Variants in TNRC6A observed in about 807,000 individuals in gnomAD.
TNRC6A encodes trinucleotide repeat containing adaptor 6A, also known as trinucleotide repeat-containing gene 6A protein.
TNRC6A carries 44 observed loss-of-function variants against 221.2 expected under a neutral mutation model. The ratio of observed to expected loss-of-function variants is 0.20; its 90% CI spans 0.16 to 0.26. The LOEUF (loss-of-function observed/expected upper bound fraction) is 0.26. Ranked by LOEUF, TNRC6A falls within the 10% of genes least tolerant of loss-of-function variation. The pLI is 1.00. For synonymous variants in TNRC6A, 847 were observed against 838.5 expected (o/e 1.01, Z -0.18); for missense variants, 2,199 against 2,404.4 (o/e 0.91, Z 1.79).
At chr16:24,728,652 A>G (rs1228494423), upstream of TNRC6A, among the ~76,000 whole-genome samples, 5 of 152,188 alleles carry the variant, frequency 3.3e-5, no homozygotes, top group Non-Finnish European at 7.4e-5. Flanking sequence ...GAAAATATGT[A>G]TCTTACTGTA....
chr16:24,672,248 A>T (rs932189860), intron 2 of TNRC6A, among the ~76,000 whole-genome samples: 1 of 151,546 alleles, frequency 6.6e-6, no homozygotes, highest in Non-Finnish European at 1.5e-5. Flanking sequence ...CAGCCTCCCC[A>T]GCAGCTGGGA....
chr16:24,768,185 AC>A (rs2057514121), intron 4 of TNRC6A, among the ~76,000 whole-genome samples: 1 of 152,126 alleles, frequency 6.6e-6, no homozygotes, highest in Middle Eastern at 3.2e-3. Context: ...TAATCCCAGC[AC>A]TTTGGGAGGC....
intron 2 of TNRC6A, among the ~76,000 whole-genome samples, chr16:24,651,363 A>G (rs1596597329): frequency 6.6e-6 from 1 of 151,484 alleles, no homozygotes. Context: ...ACATGGAGAA[A>G]CCCTGTCTCT....
intron 16 of TNRC6A, 43 bp from the exon 17 acceptor site, chr16:24,806,531 G>A (rs375530422): frequency 1.4e-5 from 22 of 1,606,286 alleles, no homozygotes; most frequent in Admixed American, 1.7e-5. Context: ...CTGTAAAGAC[G>A]TTTTCCCCCA....
At chr16:24,729,951 C>G (rs1403008205) in intron 1 of TNRC6A, 105 bp downstream of exon 1, 12 of 1,068,978 alleles carry the variant, frequency 1.1e-5, no homozygotes, top group Non-Finnish European at 1.2e-5. Context: ...CCGGGCGTCC[C>G]CGAGACTTCG....
At chr16:24,783,635 C>T (rs1426572675) in intron 5 of TNRC6A, among the ~76,000 whole-genome samples, 1 of 151,736 alleles carries the variant, frequency 6.6e-6, no homozygotes. Flanking sequence ...TTCTAAATAA[C>T]GCGCAACCTT....
At chr16:24,775,305 T>G (rs1596676071) in intron 4 of TNRC6A, among the ~76,000 whole-genome samples, 3 of 152,260 alleles carry the variant, frequency 2.0e-5, no homozygotes, top group Admixed American at 2.0e-4. Flanking sequence ...GAAAGGATTA[T>G]AAACAGTAGA....
intron 5 of TNRC6A, among the ~76,000 whole-genome samples, chr16:24,785,546 G>A (rs181947471): frequency 6.6e-6 from 1 of 152,096 alleles, no homozygotes; most frequent in East Asian, 1.9e-4. Context: ...GTTTTTTCAT[G>A]TTGATCTTTT....
intron 14 of TNRC6A, 175 bp from the exon 15 acceptor site, chr16:24,805,430 T>C: frequency 1.0e-6 from 1 of 996,126 alleles, no homozygotes. Context: ...ATCTTTTACT[T>C]AACCCACGAA....
intron 2 of TNRC6A, among the ~76,000 whole-genome samples, chr16:24,652,209 T>A (rs1316262265): frequency 2.6e-5 from 4 of 152,040 alleles, no homozygotes; most frequent in Non-Finnish European, 5.9e-5. Flanking sequence ...TAATTTAGAA[T>A]AAAAGAACTT....
intron 2 of TNRC6A, among the ~76,000 whole-genome samples, chr16:24,687,999 C>G (rs2055677091): frequency 1.4e-5 from 2 of 144,098 alleles, no homozygotes; most frequent in East Asian, 2.0e-4. Flanking sequence ...ATGGCGCGAT[C>G]TCTGCTCACT....
At chr16:24,750,200 T>C (rs1182676029) in intron 2 of TNRC6A, among the ~76,000 whole-genome samples, 3 of 152,204 alleles carry the variant, frequency 2.0e-5, no homozygotes, top group East Asian at 1.9e-4. Context: ...GGAATGTTGA[T>C]AGAATATGAA....
chr16:24,805,142 C>G lies in TNRC6A; in HGVS notation c.4113C>G (p.Leu1371=), dbSNP rs2151984008. The change falls in exon 14 of 25, where the codon CTC becomes CTG. Residue 1371 remains leucine (L), a synonymous_variant. Coordinates refer to ENST00000395799, the MANE Select transcript of TNRC6A (RefSeq NM_014494.4). ...NLRAQVPPPL[L]SPQVPVSLLK... ...GTGCTCAAGTGCCTCCTCCATTACT[C>G]TCCCCTCAGGTAAATAAGCTTTCCT... The G allele has an allele frequency of 6.2e-7, 1 of 1,614,188 alleles. No individual in the cohort carries two copies. Among genetic ancestry groups the G allele is most frequent in the Non-Finnish European group, 8.5e-7 (1 of 1,180,040 alleles).
intron 18 of TNRC6A, among the ~76,000 whole-genome samples, chr16:24,810,126 C>A (rs1312942123): frequency 6.6e-6 from 1 of 152,190 alleles, no homozygotes; most frequent in African/African-American, 2.4e-5. Context: ...AATTTTATTT[C>A]TATCAATTCC....
At chr16:24,783,693 A>G (rs1407989370) in intron 5 of TNRC6A, among the ~76,000 whole-genome samples, 4 of 152,188 alleles carry the variant, frequency 2.6e-5, no homozygotes, top group Non-Finnish European at 4.4e-5. Flanking sequence ...AACATTTTGC[A>G]TTACACTCAG....
intron 4 of TNRC6A, among the ~76,000 whole-genome samples, chr16:24,768,530 G>C (rs181060325): frequency 1.4e-4 from 21 of 151,638 alleles, no homozygotes; most frequent in African/African-American, 5.1e-4. Flanking sequence ...TCTAACTGAA[G>C]AGCTGTCATT....
chr16:24,654,692 C>T (rs537650005), intron 2 of TNRC6A, among the ~76,000 whole-genome samples: 200 of 151,954 alleles, frequency 1.3e-3, no homozygotes, highest in African/African-American at 4.7e-3. Context: ...GCACTCCAGC[C>T]TGGGTGACAG....
chr16:24,707,833 T>C (rs897081548), intron 2 of TNRC6A, among the ~76,000 whole-genome samples: 1 of 152,034 alleles, frequency 6.6e-6, no homozygotes, highest in African/African-American at 2.4e-5. Context: ...CCAAGGTGGG[T>C]AGACGTCTTG....
At chr16:24,773,299 T>C (rs2057651787) in intron 4 of TNRC6A, among the ~76,000 whole-genome samples, 1 of 152,246 alleles carries the variant, frequency 6.6e-6, no homozygotes, top group South Asian at 2.1e-4. Context: ...AACCCTGTAA[T>C]TTAGTGTTTA....
Sources: allele counts gnomAD v4.1 joint callset (sites outside exome capture counted in the v4.1 genomes callset), GRCh38; gene constraint gnomAD v4.1.1; transcripts MANE v1.5; gene names NCBI Gene and HGNC (gene_info 2026-07-23, HGNC 2026-07-21).